The following LDLRAD3 variants were observed in gnomAD, a reference collection of about 807,000 sequenced individuals.
LDLRAD3 encodes the protein low density lipoprotein receptor class A domain containing 3, also known as low-density lipoprotein receptor class A domain-containing protein 3.
Under a neutral mutation model 29.4 loss-of-function variants are expected in LDLRAD3, and 20 were observed. The observed-to-expected ratio is 0.68, with a 90% CI of 0.48 to 0.99. The LOEUF (loss-of-function observed/expected upper bound fraction) is 0.99, where lower values mean the gene tolerates loss of function less well. LDLRAD3 is among the 50% of genes least tolerant of loss of function. The pLI is 0.00. For synonymous variants in LDLRAD3, 157 were observed against 192.7 expected, an observed-to-expected ratio of 0.81 and a Z score of 1.53; for missense variants, 420 against 454.3, an observed-to-expected ratio of 0.92 and a Z score of 0.69.
At chr11:36,083,103 A>G (rs1250989229) in intron 3 of LDLRAD3, among the ~76,000 whole-genome samples, 4 of 152,204 alleles carry the variant, frequency 2.6e-5, no homozygotes, top group African/African-American at 4.8e-5. Context: ...CAACACATAC[A>G]CAGCTTCTCC....
At chr11:36,168,991 A>T (rs879552193) in intron 4 of LDLRAD3, among the ~76,000 whole-genome samples, 1 of 152,198 alleles carries the variant, frequency 6.6e-6, no homozygotes, top group South Asian at 2.1e-4. Context: ...AGAATGACAT[A>T]TGAGGAATGA....
Position 36,046,925 on chromosome 11 carries a change from A to G in LDLRAD3, c.193+10676A>G, listed in dbSNP as rs147366770. ...TATATATATTTTAAAAGTCAGGTGGATGTACTCTTTTTTCTTCTATAATCT... is the reference window on the plus strand; with the variant it reads ...TATATATATTTTAAAAGTCAGGTGGGTGTACTCTTTTTTCTTCTATAATCT... On this transcript the variant is annotated intron_variant, in intron 2 of 5. Coordinates refer to ENST00000315571, the MANE Select transcript of LDLRAD3 (RefSeq NM_174902.4). 1.9e-3 allele frequency among the ~76,000 whole-genome samples: 288 copies of G among 152,334 alleles called. 1 individual carries two copies. The highest frequency in any genetic ancestry group is 6.5e-3 in the African/African-American group (271 of 41,574).
chr11:36,215,984 T>C (rs1222566508), intron 4 of LDLRAD3, among the ~76,000 whole-genome samples: 2 of 152,220 alleles, frequency 1.3e-5, no homozygotes, highest in African/African-American at 4.8e-5. Context: ...AGCTCCTGCA[T>C]GCTCAGTTCT....
intron 4 of LDLRAD3, among the ~76,000 whole-genome samples, chr11:36,145,285 C>A (rs1854170062): frequency 1.0e-5 from 1 of 99,690 alleles, no homozygotes; most frequent in Admixed American, 8.5e-5. Flanking sequence ...CGGCCAGCTG[C>A]CCCATCCGGG....
At chr11:36,063,624 T>C (rs1852741642) in intron 2 of LDLRAD3, among the ~76,000 whole-genome samples, 2 of 152,212 alleles carry the variant, frequency 1.3e-5, no homozygotes, top group South Asian at 4.1e-4. Flanking sequence ...CCAGTTTCGT[T>C]CTTTTATATG....
intron 4 of LDLRAD3, among the ~76,000 whole-genome samples, chr11:36,125,824 G>T (rs367983437): frequency 1.3e-5 from 2 of 152,262 alleles, no homozygotes; most frequent in African/African-American, 4.8e-5. Flanking sequence ...TGCACAAGAT[G>T]TTTTCAAGCC....
chr11:35,977,384 T>A (rs1851489351), intron 1 of LDLRAD3, among the ~76,000 whole-genome samples: 1 of 152,180 alleles, frequency 6.6e-6, no homozygotes, highest in Non-Finnish European at 1.5e-5. Context: ...GAGAATGTGC[T>A]TAAGTAAAAT....
At chr11:36,103,500 A>G (rs1444258430) in intron 4 of LDLRAD3, among the ~76,000 whole-genome samples, 1 of 151,980 alleles carries the variant, frequency 6.6e-6, no homozygotes, top group Admixed American at 6.6e-5. Flanking sequence ...CGGCCTCCCA[A>G]AGTGCTGGGA....
intron 4 of LDLRAD3, among the ~76,000 whole-genome samples, chr11:36,181,488 C>G (rs1854762310): frequency 6.6e-6 from 1 of 152,018 alleles, no homozygotes; most frequent in Admixed American, 6.5e-5. Context: ...TTTTCCAAGG[C>G]CAAGCTCCTG....
intron 3 of LDLRAD3, among the ~76,000 whole-genome samples, chr11:36,097,329 G>C (rs373663986): frequency 4.0e-4 from 61 of 152,202 alleles, no homozygotes; most frequent in African/African-American, 1.4e-3. Flanking sequence ...TATCCTACAC[G>C]GCTGTGGGAT....
At chr11:35,994,547 G>T (rs954242810) in intron 1 of LDLRAD3, among the ~76,000 whole-genome samples, 4 of 152,130 alleles carry the variant, frequency 2.6e-5, no homozygotes, top group Admixed American at 2.6e-4. Flanking sequence ...GTTGCTGACT[G>T]ATCAGTGTAG....
chr11:36,140,793 T>C (rs1854070397), intron 4 of LDLRAD3, among the ~76,000 whole-genome samples: 1 of 152,184 alleles, frequency 6.6e-6, no homozygotes, highest in African/African-American at 2.4e-5. Flanking sequence ...TCTATGAAAG[T>C]ATTAAAAATA....
intron 4 of LDLRAD3, among the ~76,000 whole-genome samples, chr11:36,191,538 G>GTCTCTCTCTCTCTC (rs751965155): frequency 2.2e-3 from 122 of 55,646 alleles, no homozygotes; most frequent in South Asian, 6.5e-3. Context: ...GCAAGACCCT[G>GTCTCTCTCTCTCTC]TCTCTCTCTC....
intron 1 of LDLRAD3, among the ~76,000 whole-genome samples, chr11:36,020,832 A>G (rs890415891): frequency 1.3e-5 from 2 of 152,172 alleles, no homozygotes; most frequent in Non-Finnish European, 2.9e-5. Context: ...ACAGCATGTG[A>G]CGTGGTCAGA....
At chr11:36,199,633 G>A (rs138854193) in intron 4 of LDLRAD3, among the ~76,000 whole-genome samples, 168 of 152,130 alleles carry the variant, frequency 1.1e-3, no homozygotes, top group African/African-American at 3.8e-3. Flanking sequence ...ATTCCAGGTG[G>A]ATTGACAGCC....
At chr11:36,201,680 T>C (rs975931503) in intron 4 of LDLRAD3, among the ~76,000 whole-genome samples, 4 of 152,226 alleles carry the variant, frequency 2.6e-5, no homozygotes, top group Non-Finnish European at 4.4e-5. Flanking sequence ...CAGCAAGCAA[T>C]TGTATTTAAT....
At chr11:35,989,284 A>G (rs1851658455) in intron 1 of LDLRAD3, among the ~76,000 whole-genome samples, 1 of 152,094 alleles carries the variant, frequency 6.6e-6, no homozygotes, top group South Asian at 2.1e-4. Context: ...GCCCTATAGT[A>G]TAGTTTGAAG....
intron 3 of LDLRAD3, among the ~76,000 whole-genome samples, chr11:36,091,952 A>G (rs188461845): frequency 3.2e-4 from 49 of 152,336 alleles, no homozygotes; most frequent in Admixed American, 2.7e-3. Flanking sequence ...ATCATTCTGA[A>G]ATCTGGCTGA....
intron 4 of LDLRAD3, among the ~76,000 whole-genome samples, chr11:36,124,834 G>A (rs1853812878): frequency 6.6e-6 from 1 of 152,076 alleles, no homozygotes; most frequent in Admixed American, 6.6e-5. Context: ...TGGGATTACA[G>A]GCTTGTGCCA....
Sources: gnomAD v4.1 joint callset for allele counts (sites outside exome capture counted in the v4.1 genomes callset) on GRCh38, gnomAD v4.1.1 for gene constraint, MANE v1.5 for transcripts, NCBI Gene and HGNC (gene_info 2026-07-23, HGNC 2026-07-21) for gene names.